LRMDA: variants seen among roughly 807,000 people sequenced by gnomAD.
The protein encoded by LRMDA is leucine-rich melanocyte differentiation-associated protein.
A neutral mutation model predicts 29.8 loss-of-function variants in LRMDA; 18 were observed. That is an observed-to-expected ratio of 0.60 (90% CI 0.42 to 0.90). The LOEUF (loss-of-function observed/expected upper bound fraction) is 0.90, where lower values mean the gene tolerates loss of function less well. Among genes scored for constraint, LRMDA ranks in the 40% least tolerant of loss-of-function variants. The pLI, the probability that LRMDA is intolerant of heterozygous loss-of-function variation, is 0.00. For missense variants in LRMDA, 273 were observed against 273.9 expected, an observed-to-expected ratio of 1.00 and a Z score of 0.02; for synonymous variants, 125 against 109.4, an observed-to-expected ratio of 1.14 and a Z score of -0.89.
intron 5 of LRMDA, among the ~76,000 whole-genome samples, chr10:76,225,704 A>ATTT (rs1554856614): frequency 2.0e-5 from 3 of 147,130 alleles, no homozygotes; most frequent in Non-Finnish European, 4.5e-5. Context: ...TATTTTATTT[A>ATTT]TTTATTTATT....
At chr10:76,148,166 C>T (rs147231792) in intron 5 of LRMDA, among the ~76,000 whole-genome samples, 1 of 152,206 alleles carries the variant, frequency 6.6e-6, no homozygotes, top group Non-Finnish European at 1.5e-5. Flanking sequence ...TGTCTGTTCT[C>T]AGATCTCAAG....
chr10:75,761,472 A>G (rs2132227738), intron 2 of LRMDA, among the ~76,000 whole-genome samples: 1 of 152,342 alleles, frequency 6.6e-6, no homozygotes, highest in Non-Finnish European at 1.5e-5. Context: ...TATGTGAGTT[A>G]TCTAGAAGAG....
intron 5 of LRMDA, among the ~76,000 whole-genome samples, chr10:76,090,143 G>A (rs929000011): frequency 6.6e-6 from 1 of 152,156 alleles, no homozygotes; most frequent in African/African-American, 2.4e-5. Context: ...TCCTGTATAT[G>A]GGGGAATGTC....
chr10:75,534,542 A>G (rs909104564), intron 2 of LRMDA, among the ~76,000 whole-genome samples: 2 of 152,226 alleles, frequency 1.3e-5, no homozygotes, highest in African/African-American at 2.4e-5. Context: ...GAAGATGACA[A>G]TAGTTTCTGA....
At chr10:76,004,457 G>T (rs918966001) in intron 2 of LRMDA, among the ~76,000 whole-genome samples, 1 of 152,110 alleles carries the variant, frequency 6.6e-6, no homozygotes, top group Non-Finnish European at 1.5e-5. Context: ...AGAGATTGAC[G>T]CAGAGTAAAC....
intron 2 of LRMDA, among the ~76,000 whole-genome samples, chr10:75,980,919 G>A (rs1040431978): frequency 6.6e-6 from 1 of 152,234 alleles, no homozygotes; most frequent in Non-Finnish European, 1.5e-5. Flanking sequence ...CTTTGGTAAC[G>A]TGTGTGCGTC....
chr10:76,075,066 C>G (rs1848935775), intron 5 of LRMDA, among the ~76,000 whole-genome samples: 1 of 152,166 alleles, frequency 6.6e-6, no homozygotes, highest in African/African-American at 2.4e-5. Context: ...TGGCACACAT[C>G]ACTTCTGCCC....
intron 2 of LRMDA, among the ~76,000 whole-genome samples, chr10:75,871,311 C>A (rs552093177): frequency 2.6e-4 from 40 of 152,246 alleles, no homozygotes; most frequent in South Asian, 4.2e-4. Context: ...TCTTTCTGCC[C>A]CAGGACCTTC....
chr10:75,507,318 G>T (rs1845181271), intron 2 of LRMDA, among the ~76,000 whole-genome samples: 1 of 152,080 alleles, frequency 6.6e-6, no homozygotes, highest in South Asian at 2.1e-4. Flanking sequence ...CCCCAGCAAG[G>T]GCAGGAGCTC....
intron 5 of LRMDA, among the ~76,000 whole-genome samples, chr10:76,321,816 G>C (rs527389719): frequency 2.0e-5 from 3 of 151,998 alleles, no homozygotes; most frequent in Non-Finnish European, 4.4e-5. Context: ...ATGATGGCAC[G>C]TGCCTGTAAT....
intron 2 of LRMDA, among the ~76,000 whole-genome samples, chr10:75,817,960 C>T (rs1192252387): frequency 6.6e-6 from 1 of 152,166 alleles, no homozygotes; most frequent in Non-Finnish European, 1.5e-5. Context: ...TTTTTCTCTG[C>T]CCATTTTACC....
At chr10:75,524,217 G>T (rs1845390935) in intron 2 of LRMDA, among the ~76,000 whole-genome samples, 1 of 152,168 alleles carries the variant, frequency 6.6e-6, no homozygotes, top group African/African-American at 2.4e-5. Context: ...TTTTGGAAGA[G>T]GTTGGTTGGT....
At chr10:75,794,156 G>A (rs1393438237) in intron 2 of LRMDA, among the ~76,000 whole-genome samples, 2 of 152,150 alleles carry the variant, frequency 1.3e-5, no homozygotes, top group African/African-American at 2.4e-5. Context: ...TGCCCAACTA[G>A]CTTTTCTTTT....
intron 6 of LRMDA, among the ~76,000 whole-genome samples, chr10:76,377,988 T>G (rs1430474552): frequency 1.3e-5 from 2 of 152,216 alleles, no homozygotes; most frequent in Admixed American, 6.5e-5. Context: ...TTGGTCATTT[T>G]AACAATATTT....
At chr10:76,167,325 T>A (rs1850758404) in intron 5 of LRMDA, among the ~76,000 whole-genome samples, 1 of 152,232 alleles carries the variant, frequency 6.6e-6, no homozygotes, top group Non-Finnish European at 1.5e-5. Context: ...AGATCCCATT[T>A]GTCAATTTTT....
At chr10:76,506,584 G>A (rs1342033474) in intron 6 of LRMDA, among the ~76,000 whole-genome samples, 1 of 151,972 alleles carries the variant, frequency 6.6e-6, no homozygotes, top group Non-Finnish European at 1.5e-5. Flanking sequence ...CTTTCTCACT[G>A]TATTTTTGTA....
intron 5 of LRMDA, among the ~76,000 whole-genome samples, chr10:76,147,405 A>T (rs1332269304): frequency 2.6e-5 from 4 of 151,590 alleles, no homozygotes; most frequent in African/African-American, 9.7e-5. Context: ...TTTTTCTCTA[A>T]ACTTCTCTTC....
chr10:76,399,206 T>A (rs927206401), intron 6 of LRMDA, among the ~76,000 whole-genome samples: 1 of 152,170 alleles, frequency 6.6e-6, no homozygotes, highest in Non-Finnish European at 1.5e-5. Context: ...ATAATATTGT[T>A]ATTATTATTT....
intron 2 of LRMDA, among the ~76,000 whole-genome samples, chr10:76,002,463 C>G (rs1170943033): frequency 1.3e-5 from 2 of 152,162 alleles, no homozygotes; most frequent in Admixed American, 6.5e-5. Flanking sequence ...AGGCCCACCA[C>G]TTTTAGCAGT....
Sources: allele counts gnomAD v4.1 joint callset (sites outside exome capture counted in the v4.1 genomes callset), GRCh38; gene constraint gnomAD v4.1.1; transcripts MANE v1.5; gene names NCBI Gene and HGNC (gene_info 2026-07-23, HGNC 2026-07-21).